Variants in CSMD2 observed in about 807,000 individuals in gnomAD.
CSMD2 encodes the protein CUB and sushi domain-containing protein 2.
CSMD2 carries 130 observed loss-of-function variants against 398.5 expected under a neutral mutation model. The observed-to-expected ratio is 0.33, with a 90% CI of 0.28 to 0.38. CSMD2 has a LOEUF of 0.38. Ranked by LOEUF, CSMD2 falls within the 10% of genes least tolerant of loss-of-function variation. CSMD2 has a pLI of 1.00. For missense variants in CSMD2, 3,829 were observed against 4,764.9 expected (o/e 0.80, Z 5.78); for synonymous variants, 1,828 against 1,908.5 (o/e 0.96, Z 1.10).
intron 2 of CSMD2, among the ~76,000 whole-genome samples, chr1:34,053,554 G>T (rs935283070): frequency 1.3e-5 from 2 of 152,206 alleles, no homozygotes; most frequent in African/African-American, 4.8e-5. Context: ...TTCTCCCTTT[G>T]TTTCCTCAGG....
At chr1:34,043,341 C>A (rs1288404337) in intron 2 of CSMD2, among the ~76,000 whole-genome samples, 2 of 152,178 alleles carry the variant, frequency 1.3e-5, no homozygotes, top group South Asian at 2.1e-4. Flanking sequence ...ACCTTCCCCC[C>A]AACCCTGCAT....
At chr1:33,805,107 A>T (rs925420265) in intron 10 of CSMD2, among the ~76,000 whole-genome samples, 1 of 152,232 alleles carries the variant, frequency 6.6e-6, no homozygotes, top group African/African-American at 2.4e-5. Flanking sequence ...GTCTCCACAC[A>T]CTGACCAAGG....
chr1:34,045,086 AAC>A (rs1250104621), intron 2 of CSMD2, among the ~76,000 whole-genome samples: 7 of 149,230 alleles, frequency 4.7e-5, no homozygotes, highest in Non-Finnish European at 7.4e-5. Flanking sequence ...CACCCCTACA[AAC>A]ACAGGTTTTC....
rs1654452689 is a variant in CSMD2, at chr1:33,792,532, G to A, written c.1447-6C>T. On this transcript the variant is annotated splice_region_variant and splice_polypyrimidine_tract_variant and intron_variant, in intron 10 of 70. Coordinates refer to ENST00000373381, the MANE Select transcript of CSMD2 (RefSeq NM_001281956.2). ...TCAAAGGCGAGCTTGATCACCTAGG[G>A]AGGGAACACAGGGTTAGGAGCAGGC... The A allele has an allele frequency of 5.0e-6, 8 of 1,603,232 alleles. No homozygotes were observed. The highest frequency in any genetic ancestry group is 6.8e-6 in the Non-Finnish European group (8 of 1,170,080).
intron 3 of CSMD2, among the ~76,000 whole-genome samples, chr1:34,022,655 T>A (rs1649072679): frequency 1.3e-5 from 2 of 152,210 alleles, no homozygotes; most frequent in African/African-American, 4.8e-5. Context: ...GGTGAGGTGG[T>A]TCAGGAGAGG....
intron 48 of CSMD2, 147 bp downstream of exon 48, chr1:33,580,606 G>T: frequency 1.3e-6 from 1 of 751,382 alleles, no homozygotes; most frequent in Non-Finnish European, 2.2e-6. Context: ...GAATGGAATA[G>T]AAAAATAGGA....
intron 22 of CSMD2, among the ~76,000 whole-genome samples, chr1:33,702,878 A>T (rs549375290): frequency 1.3e-5 from 2 of 152,286 alleles, no homozygotes; most frequent in Admixed American, 6.5e-5. Context: ...TTGGGATATG[A>T]TATACAATTC....
chr1:33,801,433 C>G (rs937325603), intron 10 of CSMD2, among the ~76,000 whole-genome samples: 1 of 152,102 alleles, frequency 6.6e-6, no homozygotes, highest in Non-Finnish European at 1.5e-5. Context: ...AGGGACCTAA[C>G]AAGAGGAGGC....
Position 33,577,334 on chromosome 1 carries a change from C to T in CSMD2, c.7538G>A (p.Gly2513Asp). ...SMAICTRHPQ[G>D]YHLWSEAIPL... ...GATGGCTTCGCTCCACAGGTGGTAG[C>T]CCTGGGGGTGCCGGGTACAGATGGC... Residue 2513 changes from glycine (G) to aspartate (D), a missense_variant, in exon 49 of 71, where the codon GGC (glycine) becomes GAC (aspartate). Gly to Asp is a moderately conservative substitution (Grantham distance 94, BLOSUM62 -1). Coordinates refer to ENST00000373381, the MANE Select transcript of CSMD2 (RefSeq NM_001281956.2). The T allele has an allele frequency of 6.2e-7, 1 of 1,613,618 alleles. No homozygotes were observed. The highest frequency in any genetic ancestry group is 8.5e-7 in the Non-Finnish European group (1 of 1,179,756).
intron 6 of CSMD2, chr1:33,839,746 T>C (rs1013426871): frequency 2.0e-5 from 3 of 152,194 alleles, no homozygotes; most frequent in Non-Finnish European, 4.4e-5. Context: ...GAAAAAGATA[T>C]CATTTGGGTG....
intron 4 of CSMD2, among the ~76,000 whole-genome samples, chr1:33,925,039 A>C (rs1190481894): frequency 1.3e-5 from 2 of 152,040 alleles, no homozygotes; most frequent in Admixed American, 6.5e-5. Flanking sequence ...TCTGTGTAGA[A>C]GCTTTTTAGT....
intron 7 of CSMD2, among the ~76,000 whole-genome samples, chr1:33,824,714 A>C (rs2125012106): frequency 6.6e-6 from 1 of 152,248 alleles, no homozygotes; most frequent in East Asian, 1.9e-4. Flanking sequence ...CAGGGACAGG[A>C]AGACAAGCAG....
intron 3 of CSMD2, among the ~76,000 whole-genome samples, chr1:33,939,085 T>C (rs1486057507): frequency 6.6e-6 from 1 of 151,688 alleles, no homozygotes; most frequent in Non-Finnish European, 1.5e-5. Context: ...CTTCCCATGA[T>C]CTGCTGCTGA....
At chr1:33,900,862 C>T (rs1642708974) in intron 5 of CSMD2, among the ~76,000 whole-genome samples, 1 of 152,062 alleles carries the variant, frequency 6.6e-6, no homozygotes, top group Admixed American at 6.6e-5. Context: ...AACATGGTAG[C>T]TCTCAAAGTG....
At chr1:33,950,396 A>ATT (rs1644968381) in intron 3 of CSMD2, among the ~76,000 whole-genome samples, 1 of 149,034 alleles carries the variant, frequency 6.7e-6, no homozygotes. Context: ...AGAGAGAGAG[A>ATT]GAGAGAGAGA....
chr1:33,918,581 T>C (rs2125284149), intron 4 of CSMD2, among the ~76,000 whole-genome samples: 2 of 152,232 alleles, frequency 1.3e-5, no homozygotes, highest in Admixed American at 1.3e-4. Flanking sequence ...CAAATGGTCA[T>C]AAGCAGAGAC....
In CSMD2 at chr1:33,996,078, A is replaced by C. The variant is rs1374952472; in HGVS notation, c.517+36516T>G. ...AGACCTCCTGCAAATTACTGAAAAA[A>C]GGAAAAGAAATTCAAATGACCTATG... On this transcript the variant is annotated intron_variant, in intron 3 of 70. Coordinates refer to ENST00000373381, the MANE Select transcript of CSMD2 (RefSeq NM_001281956.2). Among the ~76,000 whole-genome samples, 5 of 152,400 alleles carry C rather than the reference A, an allele frequency of 3.3e-5. No homozygotes were observed. In the East Asian group the frequency reaches 9.6e-4, roughly 29 times the overall value.
intron 10 of CSMD2, among the ~76,000 whole-genome samples, chr1:33,802,278 T>A (rs1325658862): frequency 6.6e-6 from 1 of 152,168 alleles, no homozygotes; most frequent in Non-Finnish European, 1.5e-5. Flanking sequence ...CTATGAAGTT[T>A]CCAGGAGGAT....
At chr1:33,766,499 G>A (rs765580213) in intron 13 of CSMD2, among the ~76,000 whole-genome samples, 2 of 152,158 alleles carry the variant, frequency 1.3e-5, no homozygotes, top group African/African-American at 4.8e-5. Flanking sequence ...TTTTCTCATT[G>A]AAAAACTAAA....
Sources: gnomAD v4.1 joint callset for allele counts (sites outside exome capture counted in the v4.1 genomes callset) on GRCh38, gnomAD v4.1.1 for gene constraint, MANE v1.5 for transcripts, NCBI Gene and HGNC (gene_info 2026-07-23, HGNC 2026-07-21) for gene names.